The following SLC25A21 variants were observed in gnomAD, a reference collection of about 807,000 sequenced individuals.
The protein encoded by SLC25A21 is mitochondrial 2-oxodicarboxylate carrier.
A neutral mutation model predicts 43.8 loss-of-function variants in SLC25A21; 47 were observed. The observed-to-expected ratio is 1.07, with a 90% CI of 0.85 to 1.37. SLC25A21 has a LOEUF of 1.37. Among genes scored for constraint, SLC25A21 ranks in the 40% most tolerant of loss-of-function variants. The probability of loss-of-function intolerance (pLI) is 0.00; values close to 1 mark genes in which losing one functional copy is unlikely to be tolerated. For synonymous variants in SLC25A21, 131 were observed against 121.3 expected (o/e 1.08, Z -0.52); for missense variants, 352 against 350.2 (o/e 1.00, Z -0.04).
intron 1 of SLC25A21, among the ~76,000 whole-genome samples, chr14:37,132,060 G>A (rs1963400533): frequency 6.6e-6 from 1 of 152,146 alleles, no homozygotes; most frequent in African/African-American, 2.4e-5. Flanking sequence ...AACATCTGTT[G>A]AAGGCCTTCC....
intron 3 of SLC25A21, among the ~76,000 whole-genome samples, chr14:36,743,709 A>T (rs187673587): frequency 1.4e-3 from 220 of 152,282 alleles, no homozygotes; most frequent in Middle Eastern, 0.01. Flanking sequence ...TAGCTAGAGC[A>T]ATCAGGCAAG....
intron 1 of SLC25A21, among the ~76,000 whole-genome samples, chr14:37,115,615 T>C (rs932356324): frequency 3.9e-5 from 6 of 152,296 alleles, no homozygotes; most frequent in Middle Eastern, 6.8e-3. Context: ...TAGAAATCCA[T>C]CTAGGGCTAG....
At chr14:36,732,895 T>G (rs1035725694) in intron 4 of SLC25A21, among the ~76,000 whole-genome samples, 7 of 152,192 alleles carry the variant, frequency 4.6e-5, no homozygotes, top group Non-Finnish European at 1.0e-4. Context: ...CTCAATAATT[T>G]TAAGGTAAAA....
intron 1 of SLC25A21, among the ~76,000 whole-genome samples, chr14:37,121,844 G>C (rs1594803651): frequency 6.6e-6 from 1 of 152,082 alleles, no homozygotes; most frequent in South Asian, 2.1e-4. Flanking sequence ...AATGCCATGA[G>C]TGGGGAATTC....
intron 1 of SLC25A21, among the ~76,000 whole-genome samples, chr14:36,897,695 C>T (rs541486669): frequency 3.5e-4 from 53 of 152,120 alleles, no homozygotes; most frequent in Admixed American, 5.2e-4. Flanking sequence ...ATGATGGTGA[C>T]GTACAGATGG....
chr14:36,800,893 A>G (rs570231835), intron 3 of SLC25A21, among the ~76,000 whole-genome samples: 1 of 152,140 alleles, frequency 6.6e-6, no homozygotes, highest in Non-Finnish European at 1.5e-5. Flanking sequence ...TGAGTAGAGG[A>G]CACTGTGCAT....
chr14:36,967,506 A>C (rs140670029), intron 1 of SLC25A21, among the ~76,000 whole-genome samples: 70 of 152,304 alleles, frequency 4.6e-4, no homozygotes, highest in African/African-American at 1.6e-3. Context: ...GCACCTGTTA[A>C]TTATGAAAAA....
intron 3 of SLC25A21, among the ~76,000 whole-genome samples, chr14:36,810,122 A>T (rs932651535): frequency 2.6e-5 from 4 of 152,132 alleles, no homozygotes; most frequent in Admixed American, 2.6e-4. Flanking sequence ...CATCTCTAAG[A>T]CTAGAGCTCT....
chr14:36,838,089 A>C (rs1341417817), intron 2 of SLC25A21, among the ~76,000 whole-genome samples: 1 of 152,190 alleles, frequency 6.6e-6, no homozygotes, highest in Non-Finnish European at 1.5e-5. Context: ...GGAAACACCC[A>C]GGTCAATCAT....
At chr14:36,878,484 G>A (rs1890611387) in intron 1 of SLC25A21, among the ~76,000 whole-genome samples, 1 of 152,148 alleles carries the variant, frequency 6.6e-6, no homozygotes, top group Non-Finnish European at 1.5e-5. Flanking sequence ...GATGCTTGCT[G>A]TCCTCCACAG....
chr14:36,695,985 C>T (rs1018206745), intron 7 of SLC25A21, among the ~76,000 whole-genome samples: 4 of 151,966 alleles, frequency 2.6e-5, no homozygotes, highest in Non-Finnish European at 4.4e-5. Flanking sequence ...TGTCTTGTGC[C>T]GGTTTTCAAA....
At chr14:36,723,830 G>C (rs921307169) in intron 6 of SLC25A21, among the ~76,000 whole-genome samples, 1 of 152,174 alleles carries the variant, frequency 6.6e-6, no homozygotes, top group African/African-American at 2.4e-5. Flanking sequence ...TCCCATTTGA[G>C]TCCTTGTGGT....
At chr14:37,080,577 G>A (rs980862919) in intron 1 of SLC25A21, among the ~76,000 whole-genome samples, 3 of 152,178 alleles carry the variant, frequency 2.0e-5, no homozygotes, top group Non-Finnish European at 4.4e-5. Context: ...TTCCGCCTGG[G>A]TGACAGAGCA....
intron 1 of SLC25A21, among the ~76,000 whole-genome samples, chr14:36,895,195 T>C (rs1186223911): frequency 3.9e-5 from 6 of 152,258 alleles, no homozygotes; most frequent in African/African-American, 1.4e-4. Flanking sequence ...TGGTAAGCTA[T>C]TAATTATTGC....
chr14:37,020,285 T>TA (rs755614955), intron 1 of SLC25A21, among the ~76,000 whole-genome samples: 1 of 151,688 alleles, frequency 6.6e-6, no homozygotes, highest in Non-Finnish European at 1.5e-5. Flanking sequence ...TGCTGATTTA[T>TA]AAAAAAACAA....
At chr14:37,046,663 T>A (rs987967787) in intron 1 of SLC25A21, among the ~76,000 whole-genome samples, 2 of 152,186 alleles carry the variant, frequency 1.3e-5, no homozygotes, top group African/African-American at 4.8e-5. Context: ...CATTCTCTGA[T>A]CAAGTTTCCA....
intron 1 of SLC25A21, among the ~76,000 whole-genome samples, chr14:37,109,905 T>C (rs1356975661): frequency 6.6e-6 from 1 of 152,202 alleles, no homozygotes; most frequent in Admixed American, 6.6e-5. Flanking sequence ...TCCAGTTATG[T>C]TTCCCACAAA....
chr14:36,722,983 G>A (rs1240415562), intron 6 of SLC25A21, among the ~76,000 whole-genome samples: 9 of 152,122 alleles, frequency 5.9e-5, no homozygotes. Context: ...AAAGCAAGAA[G>A]TATTCCTGGC....
chr14:36,767,306 A>C (rs1285272150), intron 3 of SLC25A21, among the ~76,000 whole-genome samples: 2 of 152,252 alleles, frequency 1.3e-5, no homozygotes. Context: ...CAGAGAAAAC[A>C]GTTCTACATC....
Sources: allele counts gnomAD v4.1 joint callset (sites outside exome capture counted in the v4.1 genomes callset), GRCh38; gene constraint gnomAD v4.1.1; transcripts MANE v1.5; gene names NCBI Gene and HGNC (gene_info 2026-07-23, HGNC 2026-07-21).